KIAA0753: variants seen among roughly 807,000 people sequenced by gnomAD.
The protein encoded by KIAA0753 is protein moonraker.
KIAA0753 carries 114 observed loss-of-function variants against 116.9 expected under a neutral mutation model. That is an observed-to-expected ratio of 0.98 (90% CI 0.84 to 1.14). The LOEUF (loss-of-function observed/expected upper bound fraction) is 1.14. Ranked by LOEUF, KIAA0753 falls within the 50% of genes most tolerant of loss-of-function variation. The pLI is 0.00. For missense variants in KIAA0753, 1,156 were observed against 1,172.4 expected, an observed-to-expected ratio of 0.99 and a Z score of 0.20; for synonymous variants, 405 against 413.1, an observed-to-expected ratio of 0.98 and a Z score of 0.24.
intron 10 of KIAA0753, among the ~76,000 whole-genome samples, chr17:6,607,805 T>C (rs1356844730): frequency 6.6e-6 from 1 of 152,234 alleles, no homozygotes; most frequent in Non-Finnish European, 1.5e-5. Context: ...CTGTTCTCAC[T>C]GTTCTCTTCT....
chr17:6,593,621 C>T (rs572154788), intron 16 of KIAA0753, among the ~76,000 whole-genome samples: 18 of 152,122 alleles, frequency 1.2e-4, no homozygotes, highest in African/African-American at 3.9e-4. Flanking sequence ...GGCGCAATGG[C>T]TCACACCTGG....
intron 11 of KIAA0753, 87 bp from the exon 12 acceptor site, chr17:6,607,049 C>A: frequency 6.9e-7 from 1 of 1,447,136 alleles, no homozygotes. Context: ...CCCCCCTTGG[C>A]TTCTTAAGTG....
chr17:6,586,174 C>T (rs930304392), intron 18 of KIAA0753, among the ~76,000 whole-genome samples: 2 of 152,182 alleles, frequency 1.3e-5, no homozygotes, highest in African/African-American at 4.8e-5. Flanking sequence ...GACTGTTCCC[C>T]ACTTTGTCTT....
At chr17:6,597,163 A>G (rs1410377070) in intron 14 of KIAA0753, among the ~76,000 whole-genome samples, 1 of 152,246 alleles carries the variant, frequency 6.6e-6, no homozygotes, top group East Asian at 1.9e-4. Flanking sequence ...GACACTTAGC[A>G]TAGTGCTCGG....
rs751788462 is a variant in KIAA0753, at chr17:6,596,296, A to T, written c.2220T>A (p.Asp740Glu). The change falls in exon 15 of 19, where the codon GAT becomes GAA. Residue 740 changes from aspartate to glutamate, a missense_variant. Asp to Glu is a conservative substitution (Grantham distance 45, BLOSUM62 2). Transcript: ENST00000361413. Reference sequence around the variant, plus strand: ...GCTCACTGGCACAATCTTCCAAAAAATCATCAAGCTGACGAATGTTGTTGG... The same window carrying T: ...GCTCACTGGCACAATCTTCCAAAAATTCATCAAGCTGACGAATGTTGTTGG... Reference protein sequence around the residue: ...FESNNIRQLDDFLEDCASELW... With the variant: ...FESNNIRQLDEFLEDCASELW... 1 of 1,613,242 alleles carries T rather than the reference A, an allele frequency of 6.2e-7. No homozygotes were observed. The highest frequency in any genetic ancestry group is 1.1e-5 in the South Asian group (1 of 91,056).
rs1173113069 is a variant in KIAA0753 at position 6,589,741 on chromosome 17, T to C, written c.2786+38A>G. On this transcript the variant is annotated intron_variant, in intron 18 of 18. Coordinates refer to ENST00000361413, the MANE Select transcript of KIAA0753 (RefSeq NM_014804.3). ...TTTTTCTAAGTCTAAAATTTTGCAA[T>C]TTGGTTCCTAAACAGAGGACCGTAA... 3 of 1,527,506 alleles carry C rather than the reference T, an allele frequency of 2.0e-6. No individual in the cohort carries two copies. The Admixed American group carries it at 6.0e-5, about 30-fold the overall frequency. The allele number at this position is 1,527,506 out of a possible 1,614,324, so 94.6% of individuals were successfully genotyped here. A position where few individuals can be genotyped will look rare whatever the true frequency, so the allele number is the denominator to read the frequency against.
intron 15 of KIAA0753, 61 bp from the exon 16 acceptor site, chr17:6,595,114 A>G: frequency 8.3e-7 from 1 of 1,201,552 alleles, no homozygotes; most frequent in East Asian, 2.4e-5. Flanking sequence ...TACAAACCAG[A>G]ACTGGTAAAG....
chr17:6,606,022 C>T (rs1970173656), intron 12 of KIAA0753, among the ~76,000 whole-genome samples: 1 of 152,072 alleles, frequency 6.6e-6, no homozygotes, highest in Admixed American at 6.5e-5. Context: ...TATAAATGAC[C>T]ATGAAATGTA....
intron 15 of KIAA0753, among the ~76,000 whole-genome samples, chr17:6,595,469 C>A (rs1213133131): frequency 6.6e-6 from 1 of 151,782 alleles, no homozygotes; most frequent in African/African-American, 2.4e-5. Context: ...GGGTAAACTG[C>A]GGATCTTTAA....
chr17:6,639,734 C>G lies in KIAA0753; in HGVS notation c.-69+903G>C. On this transcript the variant is annotated intron_variant, in intron 1 of 18. Transcript: ENST00000361413. This position sits in a 1 kb window ranked among gnomAD's most constrained non-coding sequence, Gnocchi z 4.3. Reference sequence around the variant, plus strand: ...CCCCTTTCGACAGGTCCCTCTCCTGCAGGCACGGGATGGAGCTCGACTCTA... The same window carrying G: ...CCCCTTTCGACAGGTCCCTCTCCTGGAGGCACGGGATGGAGCTCGACTCTA... The G allele has an allele frequency of 6.5e-6, 1 of 153,024 alleles. No homozygotes were observed. The highest frequency in any genetic ancestry group is 1.5e-5 in the Non-Finnish European group (1 of 68,278). 9.5% of individuals were successfully genotyped at this position (153,024 alleles called of 1,614,324 possible). A position where few individuals can be genotyped will look rare whatever the true frequency, so the allele number is the denominator to read the frequency against.
intron 6 of KIAA0753, among the ~76,000 whole-genome samples, chr17:6,621,663 T>G (rs115138906): frequency 0.021 from 3,137 of 152,240 alleles, 104 homozygotes; most frequent in African/African-American, 0.07. Flanking sequence ...TTCTTGCATT[T>G]TGAAAAGTAG....
chr17:6,607,097 C>A, intron 11 of KIAA0753, 84 bp downstream of exon 11: 1 of 1,400,946 alleles, frequency 7.1e-7, no homozygotes, highest in Non-Finnish European at 1.0e-6. Context: ...GTAGCTAGAC[C>A]TAAATAATCT....
chr17:6,587,931 G>A (rs1248685073), intron 18 of KIAA0753, among the ~76,000 whole-genome samples: 6 of 152,188 alleles, frequency 3.9e-5, no homozygotes, highest in Non-Finnish European at 8.8e-5. Flanking sequence ...AGCATAGAGG[G>A]AGCTGAAACC....
intron 18 of KIAA0753, among the ~76,000 whole-genome samples, chr17:6,584,156 A>AATTCCAGCCTCTGTCCTCTG (rs1555521856): frequency 6.6e-6 from 1 of 151,718 alleles, no homozygotes; most frequent in Non-Finnish European, 1.5e-5. Context: ...GCAACCCGTG[A>AATTCCAGCCTCTGTCCTCTG]ATTCCAGCCT....
At chr17:6,621,833 G>A (rs189847075) in intron 6 of KIAA0753, among the ~76,000 whole-genome samples, 168 of 152,222 alleles carry the variant, frequency 1.1e-3, no homozygotes, top group Non-Finnish European at 2.1e-3. Context: ...TTACGGATAC[G>A]TTAAAAAAGC....
At chr17:6,580,387 T>C (rs1968064509) in intron 18 of KIAA0753, among the ~76,000 whole-genome samples, 2 of 149,264 alleles carry the variant, frequency 1.3e-5, no homozygotes, top group South Asian at 2.2e-4. Context: ...CCATCTCGGC[T>C]CACTGCAAGC....
chr17:6,615,140 G>T (rs1407822056), intron 7 of KIAA0753, among the ~76,000 whole-genome samples: 3 of 152,102 alleles, frequency 2.0e-5, no homozygotes, highest in African/African-American at 4.8e-5. Context: ...TCACCATATT[G>T]GTCAGTCTCG....
chr17:6,598,473 C>G (rs1269035529), intron 14 of KIAA0753, among the ~76,000 whole-genome samples: 1 of 152,194 alleles, frequency 6.6e-6, no homozygotes, highest in Non-Finnish European at 1.5e-5. Flanking sequence ...CTTCCTGCCC[C>G]TAAGGTCACT....
At chr17:6,623,405 G>T in intron 5 of KIAA0753, 104 bp downstream of exon 5, 1 of 918,022 alleles carries the variant, frequency 1.1e-6, no homozygotes, top group Non-Finnish European at 1.7e-6. Context: ...GTTTCTGCAA[G>T]TACTGAAAAT....
Sources: allele counts gnomAD v4.1 joint callset (sites outside exome capture counted in the v4.1 genomes callset), GRCh38; gene constraint gnomAD v4.1.1; non-coding constraint Gnocchi (gnomAD v3.1); transcripts MANE v1.5; gene names NCBI Gene and HGNC (gene_info 2026-07-23, HGNC 2026-07-21).